The following NRG3 variants were observed in gnomAD, a reference collection of about 807,000 sequenced individuals.
The protein encoded by NRG3 is pro-neuregulin-3, membrane-bound isoform.
A neutral mutation model predicts 66.9 loss-of-function variants in NRG3; 31 were observed. That is an observed-to-expected ratio of 0.46 (90% confidence interval 0.35 to 0.63). The LOEUF is 0.63. NRG3 is among the 20% of genes least tolerant of loss of function. The probability of loss-of-function intolerance (pLI) is 0.00; values close to 1 mark genes in which losing one functional copy is unlikely to be tolerated. For missense variants in NRG3, 910 were observed against 878.9 expected, an observed-to-expected ratio of 1.04 and a Z score of -0.45; for synonymous variants, 393 against 359.4, an observed-to-expected ratio of 1.09 and a Z score of -1.06.
chr10:82,719,355 T>C (rs1032582448), intron 2 of NRG3, among the ~76,000 whole-genome samples: 2 of 152,234 alleles, frequency 1.3e-5, no homozygotes, highest in African/African-American at 4.8e-5. Context: ...GCATGAGTGT[T>C]TATGTTCTAT....
chr10:82,797,108 T>C (rs1360408480), intron 3 of NRG3, among the ~76,000 whole-genome samples: 1 of 152,100 alleles, frequency 6.6e-6, no homozygotes, highest in Non-Finnish European at 1.5e-5. Flanking sequence ...TTACAATCAG[T>C]CTTCATTTTT....
intron 2 of NRG3, among the ~76,000 whole-genome samples, chr10:82,375,936 T>A (rs2085201705): frequency 6.6e-6 from 1 of 152,216 alleles, no homozygotes; most frequent in South Asian, 2.1e-4. Flanking sequence ...ACATAGCTGT[T>A]CTATGTGTTG....
intron 8 of NRG3, among the ~76,000 whole-genome samples, chr10:82,979,477 G>A (rs955155489): frequency 2.6e-5 from 4 of 152,144 alleles, no homozygotes; most frequent in African/African-American, 7.2e-5. Flanking sequence ...AAAAAGGACC[G>A]AATTCTCTGA....
chr10:82,953,362 T>C (rs12771439), intron 5 of NRG3, among the ~76,000 whole-genome samples: 67,463 of 151,904 alleles, frequency 0.44, 16,535 homozygotes, highest in Non-Finnish European at 0.56. Context: ...GGAGTTCTAG[T>C]TTAAATCACA....
intron 1 of NRG3, among the ~76,000 whole-genome samples, chr10:82,117,293 G>C (rs17559192): frequency 0.023 from 3,500 of 152,066 alleles, 55 homozygotes; most frequent in Middle Eastern, 0.038. Context: ...CTCACTCATT[G>C]AGCTTAAGGA....
intron 6 of NRG3, among the ~76,000 whole-genome samples, chr10:82,970,821 GT>G (rs1336441934): frequency 6.6e-6 from 1 of 152,128 alleles, no homozygotes; most frequent in Non-Finnish European, 1.5e-5. Context: ...CTCCCATATA[GT>G]TTTATAAAGG....
At chr10:82,593,004 A>C (rs1419298395) in intron 2 of NRG3, among the ~76,000 whole-genome samples, 1 of 152,182 alleles carries the variant, frequency 6.6e-6, no homozygotes, top group Non-Finnish European at 1.5e-5. Flanking sequence ...CATATACAAA[A>C]AATTACACAA....
intron 1 of NRG3, among the ~76,000 whole-genome samples, chr10:82,305,488 G>A (rs1447124416): frequency 6.6e-6 from 1 of 152,016 alleles, no homozygotes; most frequent in African/African-American, 2.4e-5. Flanking sequence ...GTTAACTTAT[G>A]GAGGAGTGGC....
chr10:82,668,869 C>T (rs934467245), intron 2 of NRG3, among the ~76,000 whole-genome samples: 6 of 152,006 alleles, frequency 3.9e-5, no homozygotes, highest in East Asian at 3.9e-4. Flanking sequence ...TATAGATTGC[C>T]TCTATTTTCT....
chr10:82,357,887 A>AT (rs1242817247), intron 1 of NRG3, among the ~76,000 whole-genome samples: 2 of 152,086 alleles, frequency 1.3e-5, no homozygotes, highest in Non-Finnish European at 2.9e-5. Flanking sequence ...GCATTGAATA[A>AT]TTTTTTCTTC....
chr10:81,900,033 C>T (rs1265814909), intron 1 of NRG3, among the ~76,000 whole-genome samples: 3 of 151,704 alleles, frequency 2.0e-5, no homozygotes. Context: ...CTAGAATCTC[C>T]GCCTCCCGTG....
At chr10:82,893,834 C>T (rs1843400967) in intron 4 of NRG3, among the ~76,000 whole-genome samples, 1 of 151,640 alleles carries the variant, frequency 6.6e-6, no homozygotes, top group African/African-American at 2.4e-5. Context: ...AAAAATTCCA[C>T]CAAAAAAGTT....
chr10:82,795,960 C>T (rs1040949036), intron 3 of NRG3, among the ~76,000 whole-genome samples: 3 of 152,060 alleles, frequency 2.0e-5, no homozygotes, highest in African/African-American at 4.8e-5. Context: ...AAAAGAAGGT[C>T]GTTCCTTTAA....
chr10:82,682,674 A>C (rs1023825141), intron 2 of NRG3, among the ~76,000 whole-genome samples: 1 of 152,156 alleles, frequency 6.6e-6, no homozygotes, highest in Non-Finnish European at 1.5e-5. Context: ...AACATCTCTT[A>C]AATATGTTAT....
At chr10:82,129,101 C>G (rs188271328) in intron 1 of NRG3, among the ~76,000 whole-genome samples, 1 of 151,904 alleles carries the variant, frequency 6.6e-6, no homozygotes, top group Non-Finnish European at 1.5e-5. Context: ...TTAGGAGAGA[C>G]GGGGTTTCAC....
intron 2 of NRG3, among the ~76,000 whole-genome samples, chr10:82,443,473 A>T (rs1170280022): frequency 6.6e-6 from 1 of 152,234 alleles, no homozygotes; most frequent in Non-Finnish European, 1.5e-5. Flanking sequence ...ACACAGTTTC[A>T]TGCAGTTTGT....
chr10:82,303,262 C>G (rs2080512312), intron 1 of NRG3, among the ~76,000 whole-genome samples: 1 of 151,900 alleles, frequency 6.6e-6, no homozygotes, highest in Admixed American at 6.6e-5. Flanking sequence ...GTCATTACAC[C>G]TCTTAATTTG....
intron 2 of NRG3, among the ~76,000 whole-genome samples, chr10:82,733,905 T>C (rs968589622): frequency 8.0e-4 from 122 of 152,304 alleles, no homozygotes; most frequent in East Asian, 1.9e-4. Context: ...ATTGCAGAGA[T>C]GGGAATGCTC....
intron 2 of NRG3, among the ~76,000 whole-genome samples, chr10:82,578,534 T>C (rs1456204731): frequency 6.6e-6 from 1 of 151,542 alleles, no homozygotes; most frequent in African/African-American, 2.4e-5. Context: ...ATCTCGTTTA[T>C]TATAAGGTAA....
Sources: gnomAD v4.1 joint callset for allele counts (sites outside exome capture counted in the v4.1 genomes callset) on GRCh38, gnomAD v4.1.1 for gene constraint, MANE v1.5 for transcripts, NCBI Gene and HGNC (gene_info 2026-07-23, HGNC 2026-07-21) for gene names.